The following SHISA7 variants were observed in gnomAD, a reference collection of about 807,000 sequenced individuals.
SHISA7 encodes shisa family member 7.
A neutral mutation model predicts 23.9 loss-of-function variants in SHISA7; 6 were observed. That is an observed-to-expected ratio of 0.25 (90% CI 0.14 to 0.50). The LOEUF (loss-of-function observed/expected upper bound fraction) is 0.50, where lower values mean the gene tolerates loss of function less well. SHISA7 is among the 20% of genes least tolerant of loss of function. The pLI, the probability that SHISA7 is intolerant of heterozygous loss-of-function variation, is 0.98. For synonymous variants in SHISA7, 386 were observed against 398.3 expected (o/e 0.97, Z 0.37); for missense variants, 671 against 801.1 (o/e 0.84, Z 1.96).
Position 55,442,340 on chromosome 19 carries a change from C to A in SHISA7, c.524G>T (p.Gly175Val). 2.7e-6 allele frequency: 4 copies of A among 1,467,244 alleles called. No individual in the cohort carries two copies. Among genetic ancestry groups the A allele is most frequent in the Non-Finnish European group, 2.7e-6 (3 of 1,115,026 alleles). The allele number at this position is 1,467,244 out of a possible 1,614,324, so 90.9% of individuals were successfully genotyped here. ...LEGGRTGGAGGRGGEGPGGST... is the reference protein window; with the variant it reads ...LEGGRTGGAGVRGGEGPGGST... Reference sequence around the variant, plus strand: ...GCCCCCGGGGCCCTCGCCCCCGCGGCCCCCGGCACCCCCAGTCCGGCCCCC... The same window carrying A: ...GCCCCCGGGGCCCTCGCCCCCGCGGACCCCGGCACCCCCAGTCCGGCCCCC... The change falls in exon 1 of 4, where the codon GGC becomes GTC. Residue 175 changes from glycine (G) to valine (V), a missense_variant. By Grantham distance (109) the Gly-to-Val change is moderately radical. Coordinates refer to ENST00000376325, the MANE Select transcript of SHISA7 (RefSeq NM_001145176.2).
rs1356612407 is a variant in SHISA7, at chr19:55,432,262, A to G, written c.*894T>C. On this transcript the variant is annotated 3_prime_UTR_variant, in exon 4 of 4. Coordinates refer to ENST00000376325, the MANE Select transcript of SHISA7 (RefSeq NM_001145176.2). The surrounding 1 kb of genome is among the most constrained non-coding windows in gnomAD (Gnocchi z 4.6). ...GGACTCTGGGCCTGCCCTGCCTTCT[A>G]CAACATGGTGGCAGCAGTGGAGGCA... 1 of 152,736 alleles carries G rather than the reference A, an allele frequency of 6.5e-6. No individual in the cohort carries two copies. Among genetic ancestry groups the G allele is most frequent in the East Asian group, 1.9e-4 (1 of 5,184 alleles). The allele number at this position is 152,736 out of a possible 1,614,324, so 9.5% of individuals were successfully genotyped here. A position where few individuals can be genotyped will look rare whatever the true frequency, so the allele number is the denominator to read the frequency against.
intron 3 of SHISA7, among the ~76,000 whole-genome samples, chr19:55,436,591 G>A (rs1223522731): frequency 3.4e-5 from 5 of 148,756 alleles, no homozygotes; most frequent in African/African-American, 1.2e-4. Context: ...CGACAAGAGT[G>A]AGACTCTGTC....
At chr19:55,441,349 T>C (rs1012089877) in intron 1 of SHISA7, among the ~76,000 whole-genome samples, 8 of 152,168 alleles carry the variant, frequency 5.3e-5, no homozygotes, top group African/African-American at 1.9e-4. Context: ...AATGGACAGA[T>C]GGCATCACGC....
intron 3 of SHISA7, among the ~76,000 whole-genome samples, chr19:55,435,101 T>A (rs1346183218): frequency 1.9e-5 from 1 of 51,960 alleles, no homozygotes; most frequent in Admixed American, 2.5e-4. Context: ...TGTGTGTGTA[T>A]GGTGTGTGTG....
Position 55,443,126 on chromosome 19 carries a change from C to G in SHISA7, c.-263G>C, listed in dbSNP as rs1368217567. ...GGCGACGATGGGAGAGTAATGGAAA[C>G]GCGCCCGGGCACGGCTGGGGGAGAG... On this transcript the variant is annotated 5_prime_UTR_variant, in exon 1 of 4. Transcript: ENST00000376325. 6.7e-6 allele frequency among the ~76,000 whole-genome samples: 1 copy of G among 149,422 alleles called. No individual in the cohort carries two copies. The highest frequency in any genetic ancestry group is 2.5e-5 in the African/African-American group (1 of 40,396).
In SHISA7 at chr19:55,435,360, G is replaced by A. The variant is rs147835435; in HGVS notation, c.977-1564C>T. ...TGTGTGTATGGTGTGTATGGTGTGT[G>A]TGTGGTGTGTGTGTGGTGTATATGT... On this transcript the variant is annotated intron_variant, in intron 3 of 3. Transcript: ENST00000376325. Among the ~76,000 whole-genome samples, 443 of 85,870 alleles carry A rather than the reference G, an allele frequency of 5.2e-3. 3 individuals carry two copies. The highest frequency in any genetic ancestry group is 0.017 in the African/African-American group (402 of 23,254). 56.3% of individuals were successfully genotyped at this position (85,870 alleles called of 152,430 possible).
chr19:55,437,803 C>A, intron 2 of SHISA7, 49 bp from the exon 3 acceptor site: 6 of 1,520,838 alleles, frequency 3.9e-6, no homozygotes, highest in South Asian at 1.2e-5. Context: ...CTCCCTCAGA[C>A]CCAGGAGTCC....
At position 55,440,622 on chromosome 19, in the gene SHISA7, G is replaced by T. The variant is rs1240073244; in HGVS notation, c.815C>A (p.Thr272Asn). The T allele has an allele frequency of 1.3e-5, 16 of 1,249,644 alleles. No individual in the cohort carries two copies. The highest frequency in any genetic ancestry group is 3.1e-5 in the African/African-American group (2 of 64,478). 77.4% of individuals were successfully genotyped at this position (1,249,644 alleles called of 1,614,324 possible). A position where few individuals can be genotyped will look rare whatever the true frequency, so the allele number is the denominator to read the frequency against. ...TPKNLYNTVKTPNLDWRALPP... is the reference protein window; with the variant it reads ...TPKNLYNTVKNPNLDWRALPP... ...CACGTTCCACTCACCGAGGTTGGGG[G>T]TCTTCACGGTGTTGTAGAGGTTCTT... is the stretch of plus-strand genomic sequence containing the variant. The change falls in exon 2 of 4, where the codon ACC (threonine) becomes AAC (asparagine). Residue 272 changes from threonine to asparagine, a missense_variant. This residue lies in a region of SHISA7 where 457 missense variants were observed against 488.3 expected (regional missense o/e 0.94). Transcript: ENST00000376325.
Position 55,433,069 on chromosome 19 carries a change from C to T in SHISA7, c.*87G>A, listed in dbSNP as rs1475983830. ...TCCAAGGGCCGATCTGGGCCCCAGG[C>T]CCCTGGCATGTGTGCGCCTGTGTCG... On this transcript the variant is annotated 3_prime_UTR_variant, in exon 4 of 4. Coordinates refer to ENST00000376325, the MANE Select transcript of SHISA7 (RefSeq NM_001145176.2). The surrounding 1 kb of genome is among the most constrained non-coding windows in gnomAD (Gnocchi z 8.4). The T allele has an allele frequency of 7.1e-7, 1 of 1,409,144 alleles. No homozygotes were observed. Among genetic ancestry groups the T allele is most frequent in the Non-Finnish European group, 9.2e-7 (1 of 1,085,028 alleles). The allele number at this position is 1,409,144 out of a possible 1,614,324, so 87.3% of individuals were successfully genotyped here.
At chr19:55,434,402 GGT>G (rs1162198892) in intron 3 of SHISA7, among the ~76,000 whole-genome samples, 82 of 133,870 alleles carry the variant, frequency 6.1e-4, no homozygotes, top group Non-Finnish European at 1.0e-3. Flanking sequence ...GTTTGTGTGT[GGT>G]GTGTGTGGTG....
In SHISA7 at chr19:55,429,142, G is replaced by A. The variant is rs967083729; in HGVS notation, c.*4014C>T. On this transcript the variant is annotated 3_prime_UTR_variant, in exon 4 of 4. Coordinates refer to ENST00000376325, the MANE Select transcript of SHISA7 (RefSeq NM_001145176.2). ...ATGGCTTATTTGAGATCAAATCAAGGCCCCAGGGTCAGGCAGCCTGTGCCA... is the reference window on the plus strand; with the variant it reads ...ATGGCTTATTTGAGATCAAATCAAGACCCCAGGGTCAGGCAGCCTGTGCCA... 1 of 152,316 alleles carries A rather than the reference G, an allele frequency of 6.6e-6. No homozygotes were observed. Among genetic ancestry groups the A allele is most frequent in the African/African-American group, 2.4e-5 (1 of 41,456 alleles). 9.4% of individuals were successfully genotyped at this position (152,316 alleles called of 1,614,324 possible).
At chr19:55,439,049 G>A (rs1985534527) in intron 2 of SHISA7, among the ~76,000 whole-genome samples, 1 of 152,114 alleles carries the variant, frequency 6.6e-6, no homozygotes, top group Admixed American at 6.5e-5. Flanking sequence ...TCCATGATCA[G>A]CCTCACCGAG....
At chr19:55,437,798 T>C in intron 2 of SHISA7, 44 bp from the exon 3 acceptor site, 1 of 1,526,656 alleles carries the variant, frequency 6.6e-7, no homozygotes, top group Non-Finnish European at 8.8e-7. Flanking sequence ...GCTTCCTCCC[T>C]CAGACCCAGG....
At position 55,433,527 on chromosome 19, in the gene SHISA7, A is replaced by G; in HGVS notation, c.1246T>C (p.Ser416Pro). Reference sequence around the variant, plus strand: ...CTCTGGCGCAGGGCCTCGGGCGAGGACAGCAGCAGGTGCTCCTGCGACACC... The same window carrying G: ...CTCTGGCGCAGGGCCTCGGGCGAGGGCAGCAGCAGGTGCTCCTGCGACACC... ...RLVSQEHLLLSSPEALRQSRE... is the reference protein window; with the variant it reads ...RLVSQEHLLLPSPEALRQSRE... Residue 416 changes from serine (S) to proline (P), a missense_variant, in exon 4 of 4, where the codon TCC (serine) becomes CCC (proline). By Grantham distance (74) the Ser-to-Pro change is moderately conservative. Transcript: ENST00000376325. The surrounding 1 kb of genome is among the most constrained non-coding windows in gnomAD (Gnocchi z 8.4). 6.7e-7 allele frequency: 1 copy of G among 1,485,172 alleles called. No homozygotes were observed. The highest frequency in any genetic ancestry group is 1.3e-5 in the South Asian group (1 of 79,022). The allele number at this position is 1,485,172 out of a possible 1,614,324, so 92.0% of individuals were successfully genotyped here.
chr19:55,435,257 GTGTA>G (rs1239221330), intron 3 of SHISA7, among the ~76,000 whole-genome samples: 3 of 132,842 alleles, frequency 2.3e-5, no homozygotes, highest in African/African-American at 5.7e-5. Context: ...TGTGTGTGGT[GTGTA>G]TGTGTGTGCG....
At chr19:55,434,979 GATGGTGTGT>G (rs1468713821) in intron 3 of SHISA7, among the ~76,000 whole-genome samples, 6 of 80,096 alleles carry the variant, frequency 7.5e-5, no homozygotes, top group African/African-American at 2.0e-4. Context: ...GGTGTGTGTG[GATGGTGTGT>G]ATGGTGTGTG....
At position 55,432,876 on chromosome 19, in the gene SHISA7, C is replaced by T; in HGVS notation, c.*280G>A. On this transcript the variant is annotated 3_prime_UTR_variant, in exon 4 of 4. Coordinates refer to ENST00000376325, the MANE Select transcript of SHISA7 (RefSeq NM_001145176.2). The surrounding 1 kb of genome is among the most constrained non-coding windows in gnomAD (Gnocchi z 4.6). Reference sequence around the variant, plus strand: ...GACCTCATGGGAACGAGGCTTTGTCCCTGTGATGACATCACAGAACACAGA... The same window carrying T: ...GACCTCATGGGAACGAGGCTTTGTCTCTGTGATGACATCACAGAACACAGA... 2.4e-6 allele frequency: 1 copy of T among 421,238 alleles called. No homozygotes were observed. Among genetic ancestry groups the T allele is most frequent in the East Asian group, 5.0e-5 (1 of 20,118 alleles). The allele number at this position is 421,238 out of a possible 1,614,324, so 26.1% of individuals were successfully genotyped here. A position where few individuals can be genotyped will look rare whatever the true frequency, so the allele number is the denominator to read the frequency against.
At chr19:55,437,572 C>G (rs1226284860) in intron 3 of SHISA7, 33 bp downstream of exon 3, 1 of 1,545,648 alleles carries the variant, frequency 6.5e-7, no homozygotes, top group African/African-American at 1.4e-5. Flanking sequence ...GCCCCCTCCC[C>G]TTCACCGCCG....
At chr19:55,441,944 G>T (rs1307734185) in intron 1 of SHISA7, among the ~76,000 whole-genome samples, 1 of 152,218 alleles carries the variant, frequency 6.6e-6, no homozygotes, top group Admixed American at 6.5e-5. Context: ...CACAGAAGGT[G>T]CTCAAGAAAT....
Sources: gnomAD v4.1 joint callset for allele counts (sites outside exome capture counted in the v4.1 genomes callset) on GRCh38, gnomAD v4.1.1 for gene constraint, gnomAD v4.1.1 regional missense constraint, Gnocchi (gnomAD v3.1) non-coding constraint, MANE v1.5 for transcripts, NCBI Gene and HGNC (gene_info 2026-07-23, HGNC 2026-07-21) for gene names.